The following ZNF529 variants were observed in gnomAD, a reference collection of about 807,000 sequenced individuals.
ZNF529 encodes zinc finger protein 529.
ZNF529 carries 11 observed loss-of-function variants against 10.1 expected under a neutral mutation model. The observed-to-expected ratio is 1.09, with a 90% confidence interval of 0.69 to 1.81. The LOEUF (loss-of-function observed/expected upper bound fraction) is 1.81. ZNF529 is among the 40% of genes most tolerant of loss of function. The pLI is 0.00. For missense variants in ZNF529, 624 were observed against 666.8 expected, an observed-to-expected ratio of 0.94 and a Z score of 0.71; for synonymous variants, 204 against 215.7, an observed-to-expected ratio of 0.95 and a Z score of 0.47.
intron 2 of ZNF529, among the ~76,000 whole-genome samples, chr19:36,584,025 G>C (rs1046266371): frequency 6.6e-6 from 1 of 152,076 alleles, no homozygotes; most frequent in African/African-American, 2.4e-5. Context: ...GAATCAAAAT[G>C]AGTGTCAAGT....
At position 36,546,129 on chromosome 19, in the gene ZNF529, CAT is replaced by C. The variant is rs1491385083; in HGVS notation, c.*735_*736del. 1.3e-5 allele frequency: 2 copies of C among 148,428 alleles called. No individual in the cohort carries two copies. Among genetic ancestry groups the C allele is most frequent in the Non-Finnish European group, 3.0e-5 (2 of 67,230 alleles). 9.2% of individuals were successfully genotyped at this position (148,428 alleles called of 1,614,324 possible). A position where few individuals can be genotyped will look rare whatever the true frequency, so the allele number is the denominator to read the frequency against. On this transcript the variant is annotated 3_prime_UTR_variant, in exon 5 of 5. Transcript: ENST00000591340. ...GGGCATATATAGTATACATCACACACATATACATCACACACTATATACACACA... is the reference window on the plus strand; with the variant it reads ...GGGCATATATAGTATACATCACACACATACATCACACACTATATACACACA...
intron 2 of ZNF529, among the ~76,000 whole-genome samples, chr19:36,558,464 C>T (rs1035800777): frequency 6.6e-6 from 1 of 151,916 alleles, no homozygotes; most frequent in Admixed American, 6.6e-5. Context: ...GAAACTAATA[C>T]AAAAGTATTA....
At chr19:36,572,297 A>G in intron 2 of ZNF529, 36 bp downstream of exon 2, 1 of 1,545,678 alleles carries the variant, frequency 6.5e-7, no homozygotes, top group African/African-American at 1.4e-5. Flanking sequence ...AGAGAAAACC[A>G]AGGGACCAGG....
At chr19:36,556,694 T>C (rs1392150745) in intron 2 of ZNF529, among the ~76,000 whole-genome samples, 1 of 152,192 alleles carries the variant, frequency 6.6e-6, no homozygotes, top group Admixed American at 6.5e-5. Flanking sequence ...TGCTGCCCCA[T>C]CTGCCATCTA....
intron 1 of ZNF529, among the ~76,000 whole-genome samples, chr19:36,602,123 C>G (rs980647125): frequency 4.0e-5 from 6 of 151,362 alleles, no homozygotes; most frequent in Non-Finnish European, 7.4e-5. Context: ...TCTCGGCTCA[C>G]TGCAACCTCC....
intron 2 of ZNF529, among the ~76,000 whole-genome samples, chr19:36,557,141 T>A (rs1296381260): frequency 2.0e-5 from 3 of 152,098 alleles, no homozygotes; most frequent in Admixed American, 6.6e-5. Context: ...TAAGTTGCAA[T>A]TAGTGGTGCT....
intron 2 of ZNF529, among the ~76,000 whole-genome samples, chr19:36,569,621 G>C (rs184284716): frequency 6.6e-6 from 1 of 151,778 alleles, no homozygotes; most frequent in East Asian, 1.9e-4. Flanking sequence ...AAAAAATTTA[G>C]CTGAGTGCAG....
intron 2 of ZNF529, among the ~76,000 whole-genome samples, chr19:36,565,477 C>CGGAT (rs1315561236): frequency 6.6e-6 from 1 of 152,048 alleles, no homozygotes. Context: ...CCAAGGCAGG[C>CGGAT]GGATCATGAG....
chr19:36,573,693 T>G, upstream of ZNF529: 1 of 327,546 alleles, frequency 3.1e-6, no homozygotes, highest in Non-Finnish European at 6.3e-6. Flanking sequence ...GTGAAGGGAG[T>G]CGCGGACCCG....
chr19:36,570,043 C>T (rs1231255179), intron 2 of ZNF529, among the ~76,000 whole-genome samples: 3 of 152,038 alleles, frequency 2.0e-5, no homozygotes, highest in African/African-American at 7.2e-5. Flanking sequence ...AACCTTCATG[C>T]CCACATGACT....
intron 1 of ZNF529, among the ~76,000 whole-genome samples, chr19:36,602,422 A>G (rs949900930): frequency 1.3e-5 from 2 of 150,070 alleles, no homozygotes; most frequent in African/African-American, 2.5e-5. Flanking sequence ...TAATTTTCAC[A>G]TGTCATGAAA....
intron 2 of ZNF529, among the ~76,000 whole-genome samples, chr19:36,557,186 A>G (rs952824395): frequency 1.3e-5 from 2 of 152,176 alleles, no homozygotes; most frequent in Non-Finnish European, 2.9e-5. Context: ...ATGCTCAAAG[A>G]CAGCCCTGTC....
At position 36,571,220 on chromosome 19, in the gene ZNF529, CAAT is replaced by C. The variant is rs545101021; in HGVS notation, c.14+1110_14+1112del. Among the ~76,000 whole-genome samples, 109 of 152,088 alleles carry C rather than the reference CAAT, an allele frequency of 7.2e-4. 1 individual carries two copies. In the South Asian group the frequency reaches 0.019, roughly 26 times the overall value. On this transcript the variant is annotated intron_variant, in intron 2 of 4. Coordinates refer to ENST00000591340, the MANE Select transcript of ZNF529 (RefSeq NM_020951.5). ...GCATCCAAATTGAGACATGCAATAA[CAAT>C]AAAACATATACCAGATTTTGAAAAC...
chr19:36,590,021 T>C (rs895253774), intron 1 of ZNF529, among the ~76,000 whole-genome samples: 3 of 152,104 alleles, frequency 2.0e-5, no homozygotes, highest in African/African-American at 7.2e-5. Flanking sequence ...AAAGAAGAAA[T>C]CAAAGGGAAA....
chr19:36,601,232 T>C (rs1181009967), intron 1 of ZNF529, among the ~76,000 whole-genome samples: 1 of 151,534 alleles, frequency 6.6e-6, no homozygotes, highest in Admixed American at 6.6e-5. Context: ...CCTCCCTGAG[T>C]AGCTGGGACT....
At chr19:36,560,012 AC>A (rs1200392660) in intron 2 of ZNF529, among the ~76,000 whole-genome samples, 1 of 152,158 alleles carries the variant, frequency 6.6e-6, no homozygotes, top group Non-Finnish European at 1.5e-5. Flanking sequence ...TAATTCCAGC[AC>A]TTTGAGAGGC....
intron 1 of ZNF529, among the ~76,000 whole-genome samples, chr19:36,592,209 C>T (rs1428499067): frequency 7.0e-6 from 1 of 143,750 alleles, no homozygotes; most frequent in African/African-American, 2.6e-5. Flanking sequence ...CACTTGAACC[C>T]GGGAGGCGGA....
At chr19:36,589,202 C>G (rs1450263065) in intron 2 of ZNF529, among the ~76,000 whole-genome samples, 1 of 152,116 alleles carries the variant, frequency 6.6e-6, no homozygotes, top group Non-Finnish European at 1.5e-5. Context: ...CAGCCATGAG[C>G]CACTGTAAAT....
At position 36,592,304 on chromosome 19, in the gene ZNF529, AAAAG is replaced by A. The variant is rs1419641418; in HGVS notation, c.-127-2607_-127-2604del. Among the ~76,000 whole-genome samples, 20 of 149,442 alleles carry A rather than the reference AAAAG, an allele frequency of 1.3e-4. No homozygotes were observed. The East Asian group carries it at 3.7e-3, about 28-fold the overall frequency. On this transcript the variant is annotated intron_variant, in intron 1 of 4. Coordinates refer to the ZNF529 transcript ENST00000585960. ...TGTCTCAAAAAAAAAAAAAAAAAAA[AAAAG>A]AAAGGCCTGGTACAGTGGCTCACAC...
Sources: gnomAD v4.1 joint callset for allele counts (sites outside exome capture counted in the v4.1 genomes callset) on GRCh38, gnomAD v4.1.1 for gene constraint, MANE v1.5 for transcripts, NCBI Gene and HGNC (gene_info 2026-07-23, HGNC 2026-07-21) for gene names.